Variants in KANSL1 observed in about 807,000 individuals in gnomAD.
The protein encoded by KANSL1 is KAT8 regulatory NSL complex subunit 1, also known as MLL1/MLL complex subunit KANSL1.
Under a neutral mutation model 103.6 loss-of-function variants are expected in KANSL1, and 22 were observed. That is an observed-to-expected ratio of 0.21 (90% CI 0.15 to 0.30). The LOEUF is 0.30. Among genes scored for constraint, KANSL1 ranks in the 10% least tolerant of loss-of-function variants. The pLI is 1.00. For missense variants in KANSL1, 1,337 were observed against 1,399.8 expected (o/e 0.96, Z 0.72); for synonymous variants, 600 against 527.6 (o/e 1.14, Z -1.88).
intron 4 of KANSL1, among the ~76,000 whole-genome samples, 165 bp from the exon 5 acceptor site, chr17:46,067,832 A>G (rs999968561): frequency 1.3e-5 from 2 of 152,210 alleles, no homozygotes; most frequent in Admixed American, 6.5e-5. Context: ...ATCAGTGGTC[A>G]GGTATGATGG....
intron 4 of KANSL1, among the ~76,000 whole-genome samples, chr17:46,076,956 A>G (rs572480159): frequency 2.0e-5 from 3 of 152,316 alleles, no homozygotes; most frequent in South Asian, 2.1e-4. Flanking sequence ...TCTAAGTATC[A>G]TATCTTCAAA....
chr17:46,056,288 C>T (rs144549534), intron 6 of KANSL1, among the ~76,000 whole-genome samples: 4 of 152,104 alleles, frequency 2.6e-5, no homozygotes, highest in East Asian at 1.9e-4. Context: ...TGTGAGCCAC[C>T]GTGCCTGGCC....
intron 2 of KANSL1, among the ~76,000 whole-genome samples, chr17:46,105,906 G>GACACACACAC (rs773000790): frequency 1.4e-4 from 13 of 95,182 alleles, no homozygotes; most frequent in East Asian, 2.3e-4. Flanking sequence ...GCAAGGCCTT[G>GACACACACAC]ACACACACAC....
At chr17:46,119,746 A>C (rs2043201038) in intron 2 of KANSL1, among the ~76,000 whole-genome samples, 1 of 152,238 alleles carries the variant, frequency 6.6e-6, no homozygotes, top group South Asian at 2.1e-4. Context: ...GCCAGGCTCC[A>C]AATCACTAAG....
chr17:46,212,434 T>C (rs907311383), intron 1 of KANSL1, among the ~76,000 whole-genome samples: 5 of 152,192 alleles, frequency 3.3e-5, no homozygotes, highest in South Asian at 2.1e-4. Flanking sequence ...TTGGCCAGGA[T>C]GGTCTCGATC....
chr17:46,206,096 A>AG (rs1166121795), intron 1 of KANSL1, among the ~76,000 whole-genome samples: 13 of 151,864 alleles, frequency 8.6e-5, no homozygotes, highest in Non-Finnish European at 1.8e-4. Flanking sequence ...AAAAAAAAAA[A>AG]AAAAAAAAAG....
At chr17:46,051,987 G>A (rs2146498550) in intron 6 of KANSL1, among the ~76,000 whole-genome samples, 1 of 152,224 alleles carries the variant, frequency 6.6e-6, no homozygotes, top group Non-Finnish European at 1.5e-5. Flanking sequence ...ATACCAACTA[G>A]GCATGCTACT....
intron 6 of KANSL1, among the ~76,000 whole-genome samples, chr17:46,051,406 G>A (rs191214353): frequency 6.6e-6 from 1 of 152,294 alleles, no homozygotes; most frequent in East Asian, 1.9e-4. Flanking sequence ...TATTTCCACT[G>A]AACTTCCTTT....
chr17:46,166,213 C>CCAAAAAAAA (rs1555573289), intron 2 of KANSL1, among the ~76,000 whole-genome samples: 33 of 95,088 alleles, frequency 3.5e-4, no homozygotes, highest in Middle Eastern at 6.9e-3. Context: ...GACTCTGTCT[C>CCAAAAAAAA]AAAAAAAAAA....
intron 1 of KANSL1, among the ~76,000 whole-genome samples, chr17:46,212,730 G>A (rs1285159393): frequency 2.0e-5 from 3 of 152,046 alleles, no homozygotes; most frequent in Non-Finnish European, 4.4e-5. Context: ...TGCAATTACT[G>A]AATTAAAGAA....
At chr17:46,220,219 A>T (rs1368160822) in intron 1 of KANSL1, among the ~76,000 whole-genome samples, 39 of 145,982 alleles carry the variant, frequency 2.7e-4, no homozygotes, top group Admixed American at 5.5e-4. Context: ...GTTCTTTAAA[A>T]TTTTTTTTTT....
At chr17:46,210,606 A>T (rs2048136661) in intron 1 of KANSL1, among the ~76,000 whole-genome samples, 1 of 152,102 alleles carries the variant, frequency 6.6e-6, no homozygotes, top group Non-Finnish European at 1.5e-5. Context: ...ATGAAGAAGT[A>T]AAAACAGAAG....
At chr17:46,137,728 G>A (rs1272634899) in intron 2 of KANSL1, among the ~76,000 whole-genome samples, 6 of 152,032 alleles carry the variant, frequency 3.9e-5, no homozygotes, top group African/African-American at 9.7e-5. Flanking sequence ...TTGGCCAGGC[G>A]TGGTGGCGGG....
In KANSL1 at chr17:46,146,706, G is replaced by T; in HGVS notation, c.1289+24149C>A. Among the ~76,000 whole-genome samples the T allele has an allele frequency of 1.4e-5, 2 of 143,460 alleles. 1 individual carries two copies. Among genetic ancestry groups the T allele is most frequent in the Non-Finnish European group, 3.2e-5 (2 of 62,852 alleles). 94.1% of individuals were successfully genotyped at this position (143,460 alleles called of 152,430 possible). ...AAATTAGCCGGGCGTAGTGGCGGGC[G>T]CCTGTAGTCCCAGCTACTTGGGAGG... On this transcript the variant is annotated intron_variant, in intron 2 of 14. Coordinates refer to ENST00000432791, the MANE Select transcript of KANSL1 (RefSeq NM_015443.4).
At chr17:46,049,247 T>A (rs1029505300) in intron 7 of KANSL1, among the ~76,000 whole-genome samples, 1 of 141,556 alleles carries the variant, frequency 7.1e-6, no homozygotes, top group Non-Finnish European at 1.5e-5. Context: ...GACCTTTTTT[T>A]TTTTTTTTTT....
intron 2 of KANSL1, among the ~76,000 whole-genome samples, chr17:46,131,643 T>C (rs1361482272): frequency 2.0e-5 from 3 of 152,096 alleles, no homozygotes; most frequent in African/African-American, 7.2e-5. Context: ...AAAGACAAGC[T>C]CCACATCCTC....
At chr17:46,102,931 T>C (rs543872195) in intron 2 of KANSL1, among the ~76,000 whole-genome samples, 7 of 152,294 alleles carry the variant, frequency 4.6e-5, no homozygotes, top group African/African-American at 1.7e-4. Context: ...ACTTGTGATA[T>C]AAATATTTAA....
At chr17:46,057,909 A>T (rs528641162) in intron 6 of KANSL1, among the ~76,000 whole-genome samples, 1 of 152,364 alleles carries the variant, frequency 6.6e-6, no homozygotes, top group East Asian at 1.9e-4. Flanking sequence ...TTTACCTTTC[A>T]GTCATAAACC....
At chr17:46,089,769 C>G (rs535259241) in intron 3 of KANSL1, among the ~76,000 whole-genome samples, 1 of 152,234 alleles carries the variant, frequency 6.6e-6, no homozygotes, top group East Asian at 1.9e-4. Flanking sequence ...TAACCATGAA[C>G]AAACTACTTG....
Sources: allele counts gnomAD v4.1 joint callset (sites outside exome capture counted in the v4.1 genomes callset), GRCh38; gene constraint gnomAD v4.1.1; transcripts MANE v1.5; gene names NCBI Gene and HGNC (gene_info 2026-07-23, HGNC 2026-07-21).